Variants in CDKAL1 observed in about 807,000 individuals in gnomAD.
The protein encoded by CDKAL1 is threonylcarbamoyladenosine tRNA methylthiotransferase.
A neutral mutation model predicts 68.2 loss-of-function variants in CDKAL1; 32 were observed. The observed-to-expected ratio is 0.47, with a 90% CI of 0.35 to 0.63. CDKAL1 has a LOEUF of 0.63. CDKAL1 is among the 30% of genes least tolerant of loss of function. The pLI is 0.00. For missense variants in CDKAL1, 606 were observed against 696.7 expected, an observed-to-expected ratio of 0.87 and a Z score of 1.47; for synonymous variants, 234 against 244.3, an observed-to-expected ratio of 0.96 and a Z score of 0.39.
intron 13 of CDKAL1, among the ~76,000 whole-genome samples, chr6:21,153,854 A>G (rs928721016): frequency 6.6e-6 from 1 of 152,188 alleles, no homozygotes; most frequent in Admixed American, 6.5e-5. Flanking sequence ...TGGAGAATGC[A>G]GGTCCTCTGG....
chr6:21,029,523 C>A lies in CDKAL1; in HGVS notation c.1055+29151C>A, dbSNP rs538748536. Among the ~76,000 whole-genome samples, 5 of 152,262 alleles carry A rather than the reference C, an allele frequency of 3.3e-5. No homozygotes were observed. The South Asian group carries it at 1.0e-3, about 32-fold the overall frequency. On this transcript the variant is annotated intron_variant, in intron 11 of 15. Coordinates refer to ENST00000274695, the MANE Select transcript of CDKAL1 (RefSeq NM_017774.3). ...AAGAACTTCTGCACAGCAAAAGAAA[C>A]TATCATCAGAGTGAATAGGCAACCT... is the stretch of plus-strand genomic sequence containing the variant.
intron 9 of CDKAL1, among the ~76,000 whole-genome samples, chr6:20,862,253 G>A (rs1759670787): frequency 6.6e-6 from 1 of 152,168 alleles, no homozygotes; most frequent in South Asian, 2.1e-4. Context: ...AGCCTAGCAT[G>A]TAAGCCGTTA....
intron 9 of CDKAL1, among the ~76,000 whole-genome samples, chr6:20,892,031 A>G (rs10456008): frequency 0.11 from 16,706 of 152,136 alleles, 1,020 homozygotes; most frequent in African/African-American, 0.15. Context: ...TGTTGCATAT[A>G]TATCTGTATT....
At chr6:20,819,198 A>G (rs4334968) in intron 8 of CDKAL1, among the ~76,000 whole-genome samples, 15,699 of 149,936 alleles carry the variant, frequency 0.1, 880 homozygotes, top group South Asian at 0.14. Flanking sequence ...CACTATAAAT[A>G]AGCTTAAATG....
chr6:21,038,051 A>T (rs1306664387), intron 11 of CDKAL1, among the ~76,000 whole-genome samples: 1 of 152,232 alleles, frequency 6.6e-6, no homozygotes, highest in Non-Finnish European at 1.5e-5. Context: ...ATTACTGTCC[A>T]CAAGGAATTT....
At chr6:20,751,907 TATTA>T (rs1381886591) in intron 6 of CDKAL1, among the ~76,000 whole-genome samples, 4 of 152,346 alleles carry the variant, frequency 2.6e-5, no homozygotes, top group Admixed American at 6.5e-5. Context: ...TCAATTTATA[TATTA>T]ATTAAGAACA....
intron 8 of CDKAL1, among the ~76,000 whole-genome samples, chr6:20,805,598 C>T (rs1021959123): frequency 8.5e-5 from 13 of 152,140 alleles, no homozygotes; most frequent in African/African-American, 3.1e-4. Context: ...AAAAATAATA[C>T]AATATGCTTT....
intron 8 of CDKAL1, among the ~76,000 whole-genome samples, chr6:20,841,765 A>T (rs1020808594): frequency 9.9e-5 from 15 of 152,242 alleles, no homozygotes; most frequent in African/African-American, 3.6e-4. Flanking sequence ...AAATAAAAAT[A>T]ATAAAAAATA....
intron 9 of CDKAL1, among the ~76,000 whole-genome samples, chr6:20,870,405 T>G (rs550539474): frequency 6.6e-6 from 1 of 152,320 alleles, no homozygotes; most frequent in East Asian, 1.9e-4. Flanking sequence ...ATCTTATTTT[T>G]CTCCTATTAT....
chr6:21,162,921 A>G (rs1407308465), intron 13 of CDKAL1, among the ~76,000 whole-genome samples: 1 of 152,160 alleles, frequency 6.6e-6, no homozygotes, highest in Non-Finnish European at 1.5e-5. Context: ...CCTGGGCAAC[A>G]CAGCAAGAAC....
At chr6:21,070,838 G>A (rs569474506) in intron 12 of CDKAL1, among the ~76,000 whole-genome samples, 11 of 152,314 alleles carry the variant, frequency 7.2e-5, no homozygotes, top group Admixed American at 5.9e-4. Context: ...AACATCCACA[G>A]AAATTGTAGT....
intron 9 of CDKAL1, among the ~76,000 whole-genome samples, chr6:20,912,181 C>G (rs1186852089): frequency 6.6e-6 from 1 of 152,132 alleles, no homozygotes; most frequent in African/African-American, 2.4e-5. Context: ...TTGTTTCTTT[C>G]AAATTCGTAA....
chr6:20,627,165 T>A (rs2077242080), intron 4 of CDKAL1, among the ~76,000 whole-genome samples: 1 of 152,192 alleles, frequency 6.6e-6, no homozygotes, highest in African/African-American at 2.4e-5. Context: ...GAATGTCTGC[T>A]TGATACATAG....
chr6:20,802,785 A>G (rs892978075), intron 8 of CDKAL1, among the ~76,000 whole-genome samples: 3 of 152,224 alleles, frequency 2.0e-5, no homozygotes, highest in African/African-American at 7.2e-5. Context: ...TTGTGAAGAA[A>G]TCTGACCCTG....
At chr6:20,676,562 G>A (rs1770110126) in intron 5 of CDKAL1, among the ~76,000 whole-genome samples, 1 of 151,996 alleles carries the variant, frequency 6.6e-6, no homozygotes, top group African/African-American at 2.4e-5. Context: ...AGCTACTCAG[G>A]AGGCTGAGAC....
At position 20,951,757 on chromosome 6, in the gene CDKAL1, C is replaced by G. The variant is rs116120768; in HGVS notation, c.743-3662C>G. On this transcript the variant is annotated intron_variant, in intron 9 of 15. Transcript: ENST00000274695. ...TGAACAATTTTTGGGAAAACGAAAACAAGTCAGGTAGATGAACAATTTTAG... is the reference window on the plus strand; with the variant it reads ...TGAACAATTTTTGGGAAAACGAAAAGAAGTCAGGTAGATGAACAATTTTAG... Among the ~76,000 whole-genome samples, 873 of 152,112 alleles carry G rather than the reference C, an allele frequency of 5.7e-3. 8 individuals are homozygous for G. The highest frequency in any genetic ancestry group is 0.019 in the African/African-American group (798 of 41,504).
chr6:20,705,832 C>G (rs2127823456), intron 5 of CDKAL1, among the ~76,000 whole-genome samples: 1 of 152,270 alleles, frequency 6.6e-6, no homozygotes, highest in African/African-American at 2.4e-5. Context: ...AGTAGCACAG[C>G]CATTCTCGAA....
At chr6:21,072,342 G>T (rs1771822678) in intron 12 of CDKAL1, among the ~76,000 whole-genome samples, 1 of 152,100 alleles carries the variant, frequency 6.6e-6, no homozygotes, top group Admixed American at 6.5e-5. Flanking sequence ...CACTTCCTTG[G>T]TAGCTTTTTC....
chr6:20,956,118 T>A (rs1241561577), intron 10 of CDKAL1, among the ~76,000 whole-genome samples: 1 of 152,210 alleles, frequency 6.6e-6, no homozygotes, highest in Non-Finnish European at 1.5e-5. Context: ...TGCACATGCA[T>A]TACTGTGGCA....
Sources: allele counts gnomAD v4.1 joint callset (sites outside exome capture counted in the v4.1 genomes callset), GRCh38; gene constraint gnomAD v4.1.1; transcripts MANE v1.5; gene names NCBI Gene and HGNC (gene_info 2026-07-23, HGNC 2026-07-21).